The following RAB27B variants were observed in gnomAD, a reference collection of about 807,000 sequenced individuals.
The protein encoded by RAB27B is RAB27B, member RAS oncogene family, also known as ras-related protein Rab-27B.
A neutral mutation model predicts 24.6 loss-of-function variants in RAB27B; 15 were observed. The ratio of observed to expected loss-of-function variants is 0.61; its 90% confidence interval spans 0.41 to 0.94. The LOEUF is 0.94. Among genes scored for constraint, RAB27B ranks in the 40% least tolerant of loss-of-function variants. RAB27B has a pLI of 0.00. For missense variants in RAB27B, 261 were observed against 266.8 expected (o/e 0.98, Z 0.15); for synonymous variants, 105 against 92.5 (o/e 1.14, Z -0.78).
intron 2 of RAB27B, among the ~76,000 whole-genome samples, chr18:54,763,824 G>T (rs1433602060): frequency 6.6e-6 from 1 of 152,146 alleles, no homozygotes; most frequent in African/African-American, 2.4e-5. Flanking sequence ...GCAAGTGTCT[G>T]GTCTCAGTAG....
intron 2 of RAB27B, among the ~76,000 whole-genome samples, chr18:54,809,193 C>T (rs1187520512): frequency 6.6e-6 from 1 of 152,146 alleles, no homozygotes; most frequent in Admixed American, 6.5e-5. Context: ...TACTTTTTGA[C>T]ATATTGTTGT....
At chr18:54,814,408 G>A (rs1247794158) in intron 2 of RAB27B, among the ~76,000 whole-genome samples, 3 of 152,284 alleles carry the variant, frequency 2.0e-5, no homozygotes, top group South Asian at 2.1e-4. Flanking sequence ...GAATAGGGTC[G>A]AATGGAGGAG....
chr18:54,727,890 G>A (rs970784864), intron 2 of RAB27B, among the ~76,000 whole-genome samples: 1 of 152,020 alleles, frequency 6.6e-6, no homozygotes, highest in African/African-American at 2.4e-5. Flanking sequence ...CTTCATATGT[G>A]GAATATTAAA....
intron 2 of RAB27B, among the ~76,000 whole-genome samples, chr18:54,823,384 A>G (rs1056288539): frequency 1.3e-5 from 2 of 151,972 alleles, no homozygotes; most frequent in Non-Finnish European, 2.9e-5. Context: ...ATCGCAAGAG[A>G]AGGGTTACGA....
intron 2 of RAB27B, among the ~76,000 whole-genome samples, chr18:54,737,559 C>T (rs561287395): frequency 1.6e-4 from 24 of 152,174 alleles, no homozygotes; most frequent in Non-Finnish European, 2.6e-4. Flanking sequence ...GTTAGAAATA[C>T]GTGTTGCTGG....
At chr18:54,815,687 C>G (rs554303299) in intron 2 of RAB27B, among the ~76,000 whole-genome samples, 3 of 152,302 alleles carry the variant, frequency 2.0e-5, no homozygotes, top group African/African-American at 7.2e-5. Flanking sequence ...CATTCTTCTA[C>G]ATTGAGGACC....
At chr18:54,877,477 C>T in intron 1 of RAB27B, 90 bp from the exon 2 acceptor site, 1 of 1,074,122 alleles carries the variant, frequency 9.3e-7, no homozygotes, top group Non-Finnish European at 1.2e-6. Flanking sequence ...ACTTTTTAAC[C>T]CTGAAAATTA....
rs144430461 is a variant in RAB27B at position 54,879,639 on chromosome 18, G to C, written c.239+185G>C. 1.3e-3 allele frequency: 669 copies of C among 525,578 alleles called. 1 individual carries two copies. The highest frequency in any genetic ancestry group is 0.011 in the African/African-American group (600 of 52,962). The allele number at this position is 525,578 out of a possible 1,614,324, so 32.6% of individuals were successfully genotyped here. On this transcript the variant is annotated intron_variant, in intron 3 of 5. Coordinates refer to ENST00000262094, the MANE Select transcript of RAB27B (RefSeq NM_004163.4). The stretch of plus-strand genomic sequence containing the variant: ...TAATTAATCACAGTAGCACTGTGCA[G>C]TTGGTATGAATTTCAAAAATCAGAC...
At chr18:54,790,567 A>C (rs1909217416) in intron 2 of RAB27B, among the ~76,000 whole-genome samples, 1 of 152,190 alleles carries the variant, frequency 6.6e-6, no homozygotes, top group South Asian at 2.1e-4. Context: ...ACTTTCAAAA[A>C]GCAAGGTAAT....
intron 2 of RAB27B, among the ~76,000 whole-genome samples, chr18:54,804,864 T>TCCTC (rs1909720931): frequency 6.3e-4 from 1 of 1,586 alleles, no homozygotes; most frequent in Non-Finnish European, 7.4e-3. Context: ...TTCCTTCCTT[T>TCCTC]CTTTTTTTCT....
chr18:54,797,985 C>G (rs929775918), intron 2 of RAB27B, among the ~76,000 whole-genome samples: 4 of 152,132 alleles, frequency 2.6e-5, no homozygotes, highest in African/African-American at 7.2e-5. Context: ...AAGATTCTGA[C>G]TTAATTGATT....
In RAB27B at chr18:54,894,202, C is replaced by A. The variant is rs1913481866; in HGVS notation, c.*4789C>A. On this transcript the variant is annotated 3_prime_UTR_variant, in exon 6 of 6. Coordinates refer to ENST00000262094, the MANE Select transcript of RAB27B (RefSeq NM_004163.4). ...CTCATTTCCTGTAGAGAGAGAATAC[C>A]ACTAACAAACAAACAAAAACTTTAG... is the stretch of plus-strand genomic sequence containing the variant. The A allele has an allele frequency of 6.6e-6, 1 of 151,742 alleles. No individual in the cohort carries two copies. The highest frequency in any genetic ancestry group is 2.4e-5 in the African/African-American group (1 of 41,340). The allele number at this position is 151,742 out of a possible 1,614,324, so 9.4% of individuals were successfully genotyped here.
chr18:54,794,885 C>T (rs887901805), intron 2 of RAB27B, among the ~76,000 whole-genome samples: 1 of 151,876 alleles, frequency 6.6e-6, no homozygotes, highest in Non-Finnish European at 1.5e-5. Context: ...ATATGATGCA[C>T]AAATGAAGTT....
intron 2 of RAB27B, among the ~76,000 whole-genome samples, chr18:54,818,327 A>T (rs1910183916): frequency 7.2e-6 from 1 of 139,558 alleles, no homozygotes; most frequent in African/African-American, 2.8e-5. Context: ...TAATCAAACT[A>T]GTATATTATA....
At chr18:54,837,458 G>C (rs530806778) in intron 1 of RAB27B, among the ~76,000 whole-genome samples, 1 of 152,086 alleles carries the variant, frequency 6.6e-6, no homozygotes, top group Non-Finnish European at 1.5e-5. Context: ...GGCAGGTTGG[G>C]GGAGGAAGAA....
intron 1 of RAB27B, among the ~76,000 whole-genome samples, chr18:54,847,089 G>C (rs1911370387): frequency 6.6e-6 from 1 of 152,140 alleles, no homozygotes. Context: ...GACCTCAAGT[G>C]ATCCGCCCAC....
chr18:54,888,165 C>G, intron 5 of RAB27B, 47 bp downstream of exon 5: 3 of 1,597,066 alleles, frequency 1.9e-6, no homozygotes, highest in Non-Finnish European at 2.6e-6. Flanking sequence ...CACTGCTGTT[C>G]AGCAAATGGA....
chr18:54,879,560 C>G, intron 3 of RAB27B, 106 bp downstream of exon 3: 1 of 922,902 alleles, frequency 1.1e-6, no homozygotes, highest in Non-Finnish European at 1.8e-6. Context: ...CAACTCTTCT[C>G]CTGGTTTCAA....
intron 1 of RAB27B, among the ~76,000 whole-genome samples, chr18:54,830,885 A>T (rs1257046737): frequency 6.6e-6 from 1 of 152,230 alleles, no homozygotes; most frequent in African/African-American, 2.4e-5. Flanking sequence ...AAAAATCTTA[A>T]ATAAATTTTG....
Sources: allele counts gnomAD v4.1 joint callset (sites outside exome capture counted in the v4.1 genomes callset), GRCh38; gene constraint gnomAD v4.1.1; transcripts MANE v1.5; gene names NCBI Gene and HGNC (gene_info 2026-07-23, HGNC 2026-07-21).